The following TFDP1 variants were observed in gnomAD, a reference collection of about 807,000 sequenced individuals.
TFDP1 encodes the protein transcription factor Dp-1, also known as DRTF1-polypeptide 1.
Under a neutral mutation model 48.0 loss-of-function variants are expected in TFDP1, and 6 were observed. The ratio of observed to expected loss-of-function variants is 0.13; its 90% confidence interval spans 0.07 to 0.25. TFDP1 has a LOEUF of 0.25. TFDP1 is among the 10% of genes least tolerant of loss of function. The pLI, the probability that TFDP1 is intolerant of heterozygous loss-of-function variation, is 1.00. For missense variants in TFDP1, 335 were observed against 543.0 expected, an observed-to-expected ratio of 0.62 and a Z score of 3.81; for synonymous variants, 201 against 211.6, an observed-to-expected ratio of 0.95 and a Z score of 0.44.
At chr13:113,619,121 T>C (rs2048932243) in intron 3 of TFDP1, among the ~76,000 whole-genome samples, 1 of 152,216 alleles carries the variant, frequency 6.6e-6, no homozygotes, top group African/African-American at 2.4e-5. Context: ...ATTTTAAGTG[T>C]ACTGGAATAA....
At chr13:113,605,572 G>T (rs1454507195) in intron 2 of TFDP1, among the ~76,000 whole-genome samples, 1 of 152,212 alleles carries the variant, frequency 6.6e-6, no homozygotes, top group Non-Finnish European at 1.5e-5. Flanking sequence ...GCCCAGCTCT[G>T]CAGGCCTCAA....
intron 11 of TFDP1, among the ~76,000 whole-genome samples, chr13:113,639,024 GAAGTGCAAAGCC>G (rs2049575327): frequency 6.6e-6 from 1 of 152,172 alleles, no homozygotes; most frequent in African/African-American, 2.4e-5. Flanking sequence ...GCCAGCTCTG[GAAGTGCAAAGCC>G]AGCCTTGGCC....
chr13:113,586,624 G>A (rs1217297935), intron 2 of TFDP1, among the ~76,000 whole-genome samples: 2 of 152,240 alleles, frequency 1.3e-5, no homozygotes, highest in African/African-American at 4.8e-5. Context: ...GAGTTGGAAA[G>A]AGTCCGCACA....
chr13:113,630,868 G>A (rs961951825), intron 4 of TFDP1, among the ~76,000 whole-genome samples: 3 of 151,994 alleles, frequency 2.0e-5, no homozygotes, highest in African/African-American at 7.2e-5. Flanking sequence ...GTGGGGTGGG[G>A]CGGGTGGGTC....
intron 5 of TFDP1, among the ~76,000 whole-genome samples, chr13:113,632,115 C>T (rs1266679014): frequency 2.6e-5 from 4 of 152,254 alleles, no homozygotes; most frequent in African/African-American, 9.6e-5. Flanking sequence ...ACCCACTGCC[C>T]CTGAATTCAG....
At chr13:113,585,943 G>T (rs914775896) in intron 2 of TFDP1, 94 bp downstream of exon 2, 4 of 1,377,784 alleles carry the variant, frequency 2.9e-6, no homozygotes, top group Non-Finnish European at 4.1e-6. Flanking sequence ...CAACACATAA[G>T]CTACAGTAGT....
chr13:113,619,789 T>C (rs2048953844), intron 3 of TFDP1, among the ~76,000 whole-genome samples: 1 of 152,196 alleles, frequency 6.6e-6, no homozygotes, highest in African/African-American at 2.4e-5. Context: ...CCAGGGGTGC[T>C]GCTGGGTTGG....
chr13:113,594,794 A>C (rs144741055), intron 2 of TFDP1, among the ~76,000 whole-genome samples: 60 of 152,388 alleles, frequency 3.9e-4, no homozygotes, highest in African/African-American at 1.4e-3. Context: ...ACAAGAAAAT[A>C]ATATGACTTA....
intron 3 of TFDP1, among the ~76,000 whole-genome samples, chr13:113,620,730 C>T (rs746127056): frequency 2.8e-4 from 43 of 152,162 alleles, no homozygotes; most frequent in Non-Finnish European, 5.6e-4. Context: ...AAATACCTTT[C>T]ACATATATAA....
intron 2 of TFDP1, among the ~76,000 whole-genome samples, chr13:113,599,780 A>G (rs1010955152): frequency 3.3e-5 from 5 of 152,074 alleles, no homozygotes; most frequent in Non-Finnish European, 7.4e-5. Context: ...CCTTGCACTT[A>G]GGGCTCCAGG....
intron 2 of TFDP1, among the ~76,000 whole-genome samples, chr13:113,604,764 C>G (rs1041291737): frequency 1.3e-5 from 2 of 152,228 alleles, no homozygotes; most frequent in African/African-American, 2.4e-5. Context: ...TCCAGGCCAA[C>G]CAGGACAGGC....
chr13:113,629,093 T>C (rs2049266111), intron 4 of TFDP1, among the ~76,000 whole-genome samples: 1 of 152,170 alleles, frequency 6.6e-6, no homozygotes, highest in South Asian at 2.1e-4. Context: ...ACAGGGCTGG[T>C]GAGCAGCAGG....
chr13:113,592,949 C>A (rs1158691005), intron 2 of TFDP1, among the ~76,000 whole-genome samples: 1 of 109,668 alleles, frequency 9.1e-6, no homozygotes, highest in Non-Finnish European at 1.9e-5. Flanking sequence ...AGGTGACAGG[C>A]GTGCTGTGTG....
chr13:113,609,769 C>T (rs985396896), intron 2 of TFDP1, among the ~76,000 whole-genome samples: 7 of 152,136 alleles, frequency 4.6e-5, no homozygotes, highest in Non-Finnish European at 1.0e-4. Context: ...GTGCCTTTAC[C>T]CTCAGCGAAG....
intron 7 of TFDP1, 135 bp downstream of exon 7, chr13:113,634,168 C>T (rs983878367): frequency 1.6e-5 from 19 of 1,222,852 alleles, no homozygotes; most frequent in African/African-American, 4.5e-5. Context: ...GTCATGCAGA[C>T]GTCTCCCTGC....
At chr13:113,636,225 T>C (rs934963779) in intron 9 of TFDP1, 97 bp downstream of exon 9, 208 of 1,464,056 alleles carry the variant, frequency 1.4e-4, no homozygotes, top group Non-Finnish European at 5.4e-5. Context: ...TTAAATGTTG[T>C]ACAAATAGCA....
Position 113,640,682 on chromosome 13 carries a change from C to A in TFDP1, c.*415C>A, listed in dbSNP as rs2049620834. On this transcript the variant is annotated 3_prime_UTR_variant, in exon 12 of 12. Coordinates refer to ENST00000375370, the MANE Select transcript of TFDP1 (RefSeq NM_007111.5). ...TTTGCCGTGAGTTTGGACGGCACCC[C>A]TGCTGGCGGATAGCAAGACTCTGTG... The A allele has an allele frequency of 4.0e-6, 1 of 251,562 alleles. No homozygotes were observed. Among genetic ancestry groups the A allele is most frequent in the Admixed American group, 6.2e-5 (1 of 16,060 alleles). The allele number at this position is 251,562 out of a possible 1,614,324, so 15.6% of individuals were successfully genotyped here.
intron 3 of TFDP1, among the ~76,000 whole-genome samples, chr13:113,617,627 C>T (rs866710058): frequency 1.6e-5 from 2 of 125,586 alleles, no homozygotes; most frequent in African/African-American, 2.9e-5. Flanking sequence ...TGCAGAGCCG[C>T]TCACCTGCAG....
intron 1 of TFDP1, 71 bp from the exon 2 acceptor site, chr13:113,585,700 GTTA>G: frequency 1.1e-6 from 1 of 937,440 alleles, no homozygotes. Context: ...TTTGAGATGT[GTTA>G]TTTTTTAAAC....
Sources: gnomAD v4.1 joint callset for allele counts (sites outside exome capture counted in the v4.1 genomes callset) on GRCh38, gnomAD v4.1.1 for gene constraint, MANE v1.5 for transcripts, NCBI Gene and HGNC (gene_info 2026-07-23, HGNC 2026-07-21) for gene names.